CCDC192: variants seen among roughly 807,000 people sequenced by gnomAD.
CCDC192 encodes the protein coiled-coil domain-containing protein 192.
At chr5:127,855,737 G>C (rs1480980820) in intron 5 of CCDC192, among the ~76,000 whole-genome samples, 1 of 152,194 alleles carries the variant, frequency 6.6e-6, no homozygotes, top group Admixed American at 6.5e-5. Flanking sequence ...ATGTGAGTAG[G>C]CATGAGAACA....
At chr5:127,843,982 A>C (rs1750417367) in intron 5 of CCDC192, among the ~76,000 whole-genome samples, 1 of 152,258 alleles carries the variant, frequency 6.6e-6, no homozygotes, top group African/African-American at 2.4e-5. Flanking sequence ...TTCCTGGGTT[A>C]TCAGACATTA....
intron 3 of CCDC192, among the ~76,000 whole-genome samples, chr5:127,788,240 C>A (rs1477296163): frequency 1.3e-5 from 2 of 152,152 alleles, no homozygotes; most frequent in African/African-American, 2.4e-5. Context: ...ATCTCCTTGA[C>A]AAATTGCCAC....
intron 5 of CCDC192, among the ~76,000 whole-genome samples, chr5:127,859,511 T>C (rs1006118731): frequency 4.6e-5 from 7 of 151,378 alleles, no homozygotes; most frequent in African/African-American, 1.7e-4. Flanking sequence ...TGAATCAATC[T>C]CTAGGAACAG....
intron 5 of CCDC192, among the ~76,000 whole-genome samples, chr5:127,865,200 C>T (rs1205021457): frequency 1.3e-5 from 2 of 152,136 alleles, no homozygotes; most frequent in East Asian, 1.9e-4. Flanking sequence ...TCTTGTCTCT[C>T]CACCTATGAA....
rs543473813 is a variant in CCDC192, at chr5:127,851,754, C to A, written c.412-23784C>A. On this transcript the variant is annotated intron_variant, in intron 5 of 6. Transcript: ENST00000514853. The stretch of plus-strand genomic sequence containing the variant: ...TACAGGCGTGAACCACTGTGCCTGG[C>A]CTCTTTCTTGTATTTTTAAATTTCC... Among the ~76,000 whole-genome samples the A allele has an allele frequency of 6.6e-5, 10 of 152,314 alleles. No individual in the cohort carries two copies. In the South Asian group the frequency reaches 1.2e-3, roughly 19 times the overall value.
In CCDC192 at chr5:127,800,402, C is replaced by CAAA. The variant is rs772597286; in HGVS notation, c.411+2242_411+2243insAAA. Among the ~76,000 whole-genome samples, 20 of 88,284 alleles carry CAAA rather than the reference C, an allele frequency of 2.3e-4. 1 individual carries two copies. The highest frequency in any genetic ancestry group is 3.0e-4 in the Non-Finnish European group (15 of 50,350). The allele number at this position is 88,284 out of a possible 152,430, so 57.9% of individuals were successfully genotyped here. ...AAAAAAAAAAAAAAAAAAAAAAAAACAACAACAACAAAAAGTAGGAAGACT... is the reference window on the plus strand; with the variant it reads ...AAAAAAAAAAAAAAAAAAAAAAAAACAAAAACAACAACAAAAAGTAGGAAGACT... On this transcript the variant is annotated intron_variant, in intron 5 of 6. Coordinates refer to ENST00000514853, the MANE Select transcript of CCDC192 (RefSeq NM_001317938.2).
At chr5:127,786,078 A>C in intron 3 of CCDC192, 1 of 753,492 alleles carries the variant, frequency 1.3e-6, no homozygotes, top group Non-Finnish European at 2.3e-6. Context: ...TAGATACAAG[A>C]TTATACATGT....
At chr5:127,861,675 C>A (rs1445093232) in intron 5 of CCDC192, among the ~76,000 whole-genome samples, 1 of 151,922 alleles carries the variant, frequency 6.6e-6, no homozygotes, top group East Asian at 1.9e-4. Flanking sequence ...TTTTTTTATT[C>A]TTTTTATTCT....
chr5:127,931,099 C>T (rs1334983201), intron 6 of CCDC192, among the ~76,000 whole-genome samples: 1 of 152,196 alleles, frequency 6.6e-6, no homozygotes, highest in East Asian at 1.9e-4. Context: ...TCACTTCCTC[C>T]CTGCATGGTG....
chr5:127,814,844 C>T (rs1035171340), intron 5 of CCDC192, among the ~76,000 whole-genome samples: 17 of 152,196 alleles, frequency 1.1e-4, no homozygotes, highest in African/African-American at 1.4e-4. Context: ...TCATGTCCTA[C>T]GTACCTGTGT....
chr5:127,708,557 T>A (rs1315384065), intron 2 of CCDC192, among the ~76,000 whole-genome samples: 1 of 152,172 alleles, frequency 6.6e-6, no homozygotes, highest in African/African-American at 2.4e-5. Flanking sequence ...AGAGGCAGTA[T>A]AGTATGGAGA....
chr5:127,729,824 A>G (rs1410800273), intron 2 of CCDC192, among the ~76,000 whole-genome samples: 1 of 152,216 alleles, frequency 6.6e-6, no homozygotes, highest in Non-Finnish European at 1.5e-5. Context: ...GAAACCAATG[A>G]TAACAAAGAA....
intron 2 of CCDC192, among the ~76,000 whole-genome samples, chr5:127,722,719 C>A (rs910828167): frequency 2.0e-5 from 3 of 152,082 alleles, no homozygotes; most frequent in East Asian, 3.8e-4. Flanking sequence ...AGAGACTGTC[C>A]CTTCTCCAAT....
At position 127,872,169 on chromosome 5, in the gene CCDC192, G is replaced by A. The variant is rs571714628; in HGVS notation, c.412-3369G>A. Among the ~76,000 whole-genome samples the A allele has an allele frequency of 2.0e-5, 3 of 152,268 alleles. No homozygotes were observed. The South Asian group carries it at 6.2e-4, about 32-fold the overall frequency. On this transcript the variant is annotated intron_variant, in intron 5 of 6. Coordinates refer to ENST00000514853, the MANE Select transcript of CCDC192 (RefSeq NM_001317938.2). ...TCTTTCTGGAGAAAAGAAAAAAAAA[G>A]ATGAAGATGTTGAACTATTTTTAAA...
At chr5:127,875,439 G>A in intron 5 of CCDC192, 99 bp from the exon 6 acceptor site, 2 of 392,318 alleles carry the variant, frequency 5.1e-6, no homozygotes, top group African/African-American at 4.1e-5. Context: ...ATCTAAGCAG[G>A]CTTCAAAGGC....
chr5:127,808,987 A>G (rs1294734752), intron 5 of CCDC192, among the ~76,000 whole-genome samples: 2 of 152,200 alleles, frequency 1.3e-5, no homozygotes, highest in Admixed American at 1.3e-4. Context: ...AAATCGTCCA[A>G]AAAAGATACT....
chr5:127,732,635 C>G (rs553908954), intron 2 of CCDC192, among the ~76,000 whole-genome samples: 42 of 152,232 alleles, frequency 2.8e-4, no homozygotes, highest in Middle Eastern at 3.4e-3. Flanking sequence ...AAATGTGGTA[C>G]ATATACACCA....
chr5:127,712,441 G>T (rs1751391477), intron 2 of CCDC192, among the ~76,000 whole-genome samples: 1 of 152,126 alleles, frequency 6.6e-6, no homozygotes. Context: ...TTGTCTCCTT[G>T]CTTCTTCTCT....
intron 5 of CCDC192, among the ~76,000 whole-genome samples, chr5:127,814,194 A>T (rs1366526943): frequency 6.6e-6 from 1 of 152,238 alleles, no homozygotes; most frequent in African/African-American, 2.4e-5. Context: ...GAGTGGGAGC[A>T]GGAACAATGT....
Sources: gnomAD v4.1 joint callset for allele counts (sites outside exome capture counted in the v4.1 genomes callset) on GRCh38, gnomAD v4.1.1 for gene constraint, MANE v1.5 for transcripts, NCBI Gene and HGNC (gene_info 2026-07-23, HGNC 2026-07-21) for gene names.